Variants in SLC5A8 observed in about 807,000 individuals in gnomAD.
SLC5A8 encodes the protein sodium-coupled monocarboxylate transporter 1.
In SLC5A8, 55 loss-of-function variants were observed where a neutral mutation model predicts 71.9. That is an observed-to-expected ratio of 0.77 (90% CI 0.62 to 0.96). The LOEUF (loss-of-function observed/expected upper bound fraction) is 0.96. Ranked by LOEUF, SLC5A8 falls within the 40% of genes least tolerant of loss-of-function variation. The probability of loss-of-function intolerance (pLI) is 0.00; values close to 1 mark genes in which losing one functional copy is unlikely to be tolerated. For missense variants in SLC5A8, 701 were observed against 745.3 expected, an observed-to-expected ratio of 0.94 and a Z score of 0.69; for synonymous variants, 307 against 276.1, an observed-to-expected ratio of 1.11 and a Z score of -1.11.
At chr12:101,171,928 G>T (rs987855437) in intron 10 of SLC5A8, among the ~76,000 whole-genome samples, 3 of 152,212 alleles carry the variant, frequency 2.0e-5, no homozygotes, top group Non-Finnish European at 2.9e-5. Flanking sequence ...ACATGAGCAG[G>T]TGAAAGGAGT....
chr12:101,161,857 A>G, intron 13 of SLC5A8, 117 bp downstream of exon 13: 1 of 758,446 alleles, frequency 1.3e-6, no homozygotes, highest in African/African-American at 1.7e-5. Flanking sequence ...AAACAGAAGA[A>G]ATAATTAAAC....
chr12:101,158,550 G>GAC (rs2051689344), intron 13 of SLC5A8, among the ~76,000 whole-genome samples: 1 of 48,494 alleles, frequency 2.1e-5, no homozygotes, highest in Non-Finnish European at 4.4e-5. Context: ...ATAAATATGA[G>GAC]TCTCTCTCTC....
At chr12:101,193,256 A>C (rs1004677133) in intron 5 of SLC5A8, among the ~76,000 whole-genome samples, 3 of 152,200 alleles carry the variant, frequency 2.0e-5, no homozygotes, top group African/African-American at 7.2e-5. Flanking sequence ...TACAGGTGTG[A>C]GCCACTGTGC....
chr12:101,183,802 G>T (rs1439157254), intron 8 of SLC5A8, among the ~76,000 whole-genome samples: 1 of 152,166 alleles, frequency 6.6e-6, no homozygotes, highest in Non-Finnish European at 1.5e-5. Flanking sequence ...TCAGCCCCAT[G>T]TGTGTTTTCA....
Position 101,200,051 on chromosome 12 carries a change from AAAAG to A in SLC5A8, c.469+2109_469+2112del, listed in dbSNP as rs1869385069. On this transcript the variant is annotated intron_variant, in intron 3 of 14. Transcript: ENST00000536262. ...AAAAAAAAAAAAAAAAAAAAAAAAAAAAAGGGAATGAACTACTGATATATATGTA... is the reference window on the plus strand; with the variant it reads ...AAAAAAAAAAAAAAAAAAAAAAAAAAGGAATGAACTACTGATATATATGTA... Among the ~76,000 whole-genome samples, 7 of 86,074 alleles carry A rather than the reference AAAAG, an allele frequency of 8.1e-5. 2 individuals carry two copies. The highest frequency in any genetic ancestry group is 1.6e-4 in the African/African-American group (3 of 19,290). The allele number at this position is 86,074 out of a possible 152,430, so 56.5% of individuals were successfully genotyped here.
At chr12:101,209,018 G>C (rs1481523495) in intron 1 of SLC5A8, among the ~76,000 whole-genome samples, 1 of 152,126 alleles carries the variant, frequency 6.6e-6, no homozygotes, top group East Asian at 1.9e-4. Flanking sequence ...AAGGGGGTGG[G>C]TGTGGAAGGG....
chr12:101,162,348 A>G (rs1317430442), intron 12 of SLC5A8, among the ~76,000 whole-genome samples: 1 of 152,202 alleles, frequency 6.6e-6, no homozygotes, highest in Non-Finnish European at 1.5e-5. Flanking sequence ...AGTCAGCCAT[A>G]AATAAGGTAG....
intron 3 of SLC5A8, among the ~76,000 whole-genome samples, chr12:101,199,769 T>A (rs1869357512): frequency 6.6e-6 from 1 of 151,784 alleles, no homozygotes; most frequent in Non-Finnish European, 1.5e-5. Flanking sequence ...TTGCACACAT[T>A]TCTATCCTCA....
intron 12 of SLC5A8, among the ~76,000 whole-genome samples, chr12:101,165,049 A>G (rs2051756719): frequency 6.6e-6 from 1 of 152,068 alleles, no homozygotes; most frequent in Non-Finnish European, 1.5e-5. Flanking sequence ...TTTTGCGTAT[A>G]TTTGCACATT....
chr12:101,158,076 T>C (rs10860693), intron 14 of SLC5A8, among the ~76,000 whole-genome samples, 173 bp downstream of exon 14: 33,337 of 152,066 alleles, frequency 0.22, 4,444 homozygotes, highest in African/African-American at 0.37. Context: ...ATAAAACAGA[T>C]ATAGATCATC....
chr12:101,165,045 G>A (rs561948984), intron 12 of SLC5A8, among the ~76,000 whole-genome samples: 21 of 152,114 alleles, frequency 1.4e-4, no homozygotes, highest in Admixed American at 1.0e-3. Flanking sequence ...ATTGTTTTGC[G>A]TATATTTGCA....
In SLC5A8 at chr12:101,157,189, C is replaced by A. The variant is rs1033927828; in HGVS notation, c.*90G>T. ...CCCCAAACACTCATGATACAACACACACACACACACAAAGAAAACCTGATC... is the reference window on the plus strand; with the variant it reads ...CCCCAAACACTCATGATACAACACAAACACACACACAAAGAAAACCTGATC... On this transcript the variant is annotated 3_prime_UTR_variant, in exon 15 of 15. Transcript: ENST00000536262. The A allele has an allele frequency of 1.6e-5, 24 of 1,493,102 alleles. No individual in the cohort carries two copies. Among genetic ancestry groups the A allele is most frequent in the Non-Finnish European group, 2.1e-5 (23 of 1,100,812 alleles). The allele number at this position is 1,493,102 out of a possible 1,614,324, so 92.5% of individuals were successfully genotyped here.
chr12:101,190,680 T>C lies in SLC5A8; in HGVS notation c.693-72A>G. ...TAAAAAAAATTCTCTTAGACTATAT[T>C]TGGAAGCAAGCAATGCACATTTATA... On this transcript the variant is annotated intron_variant, in intron 5 of 14. Coordinates refer to ENST00000536262, the MANE Select transcript of SLC5A8 (RefSeq NM_145913.5). The C allele has an allele frequency of 4.2e-6, 6 of 1,434,902 alleles. No individual in the cohort carries two copies. In the South Asian group the frequency reaches 6.2e-5, roughly 15 times the overall value. 88.9% of individuals were successfully genotyped at this position (1,434,902 alleles called of 1,614,324 possible). A position where few individuals can be genotyped will look rare whatever the true frequency, so the allele number is the denominator to read the frequency against.
chr12:101,194,108 G>A (rs1181752125), intron 4 of SLC5A8, among the ~76,000 whole-genome samples: 2 of 152,142 alleles, frequency 1.3e-5, no homozygotes, highest in African/African-American at 4.8e-5. Flanking sequence ...GAGATTGTTG[G>A]GAAGAAAAAT....
chr12:101,165,319 C>G (rs926684229), intron 12 of SLC5A8, among the ~76,000 whole-genome samples: 6 of 152,132 alleles, frequency 3.9e-5, no homozygotes, highest in Non-Finnish European at 8.8e-5. Flanking sequence ...CTTTTAAGGG[C>G]AAATATTTAC....
intron 3 of SLC5A8, among the ~76,000 whole-genome samples, chr12:101,197,541 A>G (rs1367039271): frequency 6.6e-6 from 1 of 152,206 alleles, no homozygotes; most frequent in Non-Finnish European, 1.5e-5. Flanking sequence ...ATGACCCCAT[A>G]CAGATGTAAT....
In SLC5A8 at chr12:101,200,794, G is replaced by T. The variant is rs1224080400; in HGVS notation, c.469+1370C>A. Among the ~76,000 whole-genome samples the T allele has an allele frequency of 2.0e-5, 3 of 152,018 alleles. No homozygotes were observed. In the East Asian group the frequency reaches 5.8e-4, roughly 29 times the overall value. ...AATATTAACATAGAGTGATGAATGA[G>T]CACATTAAGGGGCTCTATTCTCTCT... On this transcript the variant is annotated intron_variant, in intron 3 of 14. Coordinates refer to ENST00000536262, the MANE Select transcript of SLC5A8 (RefSeq NM_145913.5).
intron 9 of SLC5A8, among the ~76,000 whole-genome samples, chr12:101,182,108 C>T (rs185293879): frequency 2.6e-5 from 4 of 152,244 alleles, no homozygotes; most frequent in African/African-American, 9.6e-5. Flanking sequence ...ATGCTTAAAC[C>T]ACTCTATTCA....
In SLC5A8 at chr12:101,158,119, C is replaced by A. The variant is rs1233334200; in HGVS notation, c.1710+130G>T. ...AGAGAGCTATCCAACATATATAGAT[C>A]ATCAGATTATATAGGGTCTATACCT... On this transcript the variant is annotated intron_variant, in intron 14 of 14. Coordinates refer to ENST00000536262, the MANE Select transcript of SLC5A8 (RefSeq NM_145913.5). 3 of 688,706 alleles carry A rather than the reference C, an allele frequency of 4.4e-6. No homozygotes were observed. The East Asian group carries it at 8.1e-5, about 19-fold the overall frequency. The allele number at this position is 688,706 out of a possible 1,614,324, so 42.7% of individuals were successfully genotyped here.
Sources: gnomAD v4.1 joint callset for allele counts (sites outside exome capture counted in the v4.1 genomes callset) on GRCh38, gnomAD v4.1.1 for gene constraint, MANE v1.5 for transcripts, NCBI Gene and HGNC (gene_info 2026-07-23, HGNC 2026-07-21) for gene names.